Variants in TRPC4AP observed in about 807,000 individuals in gnomAD.
The protein encoded by TRPC4AP is transient receptor potential cation channel subfamily C member 4 associated protein.
TRPC4AP carries 45 observed loss-of-function variants against 99.0 expected under a neutral mutation model. The ratio of observed to expected loss-of-function variants is 0.45; its 90% CI spans 0.36 to 0.58. The LOEUF is 0.58. Among genes scored for constraint, TRPC4AP ranks in the 20% least tolerant of loss-of-function variants. TRPC4AP has a pLI of 0.00. For missense variants in TRPC4AP, 879 were observed against 985.3 expected, an observed-to-expected ratio of 0.89 and a Z score of 1.44; for synonymous variants, 408 against 385.8, an observed-to-expected ratio of 1.06 and a Z score of -0.67.
At chr20:35,021,125 G>A (rs2082877368) in intron 9 of TRPC4AP, 65 bp downstream of exon 9, 7 of 1,558,368 alleles carry the variant, frequency 4.5e-6, no homozygotes, top group South Asian at 3.5e-5. Context: ...TGGAGCACCT[G>A]GCATACCATG....
intron 2 of TRPC4AP, among the ~76,000 whole-genome samples, chr20:35,073,351 G>A (rs1360900782): frequency 6.6e-6 from 1 of 152,098 alleles, no homozygotes; most frequent in Non-Finnish European, 1.5e-5. Context: ...CCCCTGTCTT[G>A]TGCCAGTTTT....
intron 1 of TRPC4AP, 135 bp from the exon 2 acceptor site, chr20:35,078,309 CTCT>C: frequency 1.1e-6 from 1 of 871,434 alleles, no homozygotes; most frequent in Admixed American, 2.9e-5. Context: ...TATAAAAAGC[CTCT>C]TTCTATAAAT....
intron 9 of TRPC4AP, among the ~76,000 whole-genome samples, chr20:35,019,825 A>G (rs2082844807): frequency 1.3e-5 from 2 of 152,144 alleles, no homozygotes; most frequent in Non-Finnish European, 2.9e-5. Flanking sequence ...AAATACAACC[A>G]TATGCTGAGG....
At chr20:35,067,669 T>C (rs1299188371) in intron 3 of TRPC4AP, among the ~76,000 whole-genome samples, 1 of 152,176 alleles carries the variant, frequency 6.6e-6, no homozygotes. Context: ...TGAAACATCA[T>C]TTGACCATAA....
intron 3 of TRPC4AP, 22 bp downstream of exon 3, chr20:35,069,274 G>A: frequency 7.4e-7 from 1 of 1,355,980 alleles, no homozygotes; most frequent in Non-Finnish European, 1.1e-6. Context: ...AACAGCAGTA[G>A]TAATAATAAA....
chr20:35,068,918 A>T lies in TRPC4AP; in HGVS notation c.414+378T>A, dbSNP rs1343490887. ...TATCACTCTATGTGCGGAGAAAATA[A>T]ACTAAGGTGGAGGTGGTGGGGAATA... is the stretch of plus-strand genomic sequence containing the variant. On this transcript the variant is annotated intron_variant, in intron 3 of 18. Transcript: ENST00000252015. 6.6e-5 allele frequency among the ~76,000 whole-genome samples: 10 copies of T among 151,050 alleles called. No homozygotes were observed. In the Admixed American group the frequency reaches 6.7e-4, roughly 10 times the overall value.
In TRPC4AP at chr20:35,005,746, G is replaced by A. The variant is rs760296054; in HGVS notation, c.1885C>T (p.Arg629Cys). The A allele has an allele frequency of 4.3e-6, 7 of 1,614,078 alleles. No homozygotes were observed. Among genetic ancestry groups the A allele is most frequent in the East Asian group, 2.2e-5 (1 of 44,890 alleles). Reference sequence around the variant, plus strand: ...CGGTCCAGGGACAGAGTGACACAGCGCACCAGCATGTTGGAGTCCACCAGG... The same window carrying A: ...CGGTCCAGGGACAGAGTGACACAGCACACCAGCATGTTGGAGTCCACCAGG... Reference protein sequence around the residue: ...SSLVDSNMLVRCVTLSLDRFE... With the variant: ...SSLVDSNMLVCCVTLSLDRFE... Residue 629 changes from arginine to cysteine, a missense_variant, in exon 16 of 19, where the codon CGC (arginine) becomes TGC (cysteine). Physicochemically the swap from Arg to Cys is radical, Grantham distance 180 (BLOSUM62 -3). Coordinates refer to ENST00000252015, the MANE Select transcript of TRPC4AP (RefSeq NM_015638.3).
intron 18 of TRPC4AP, 26 bp downstream of exon 18, chr20:35,003,384 C>T (rs2082438165): frequency 1.3e-6 from 2 of 1,536,674 alleles, no homozygotes; most frequent in Non-Finnish European, 1.7e-6. Flanking sequence ...GCCCACCCAT[C>T]ACCCCCTTGA....
intron 7 of TRPC4AP, among the ~76,000 whole-genome samples, chr20:35,040,109 G>A (rs73905057): frequency 0.036 from 5,468 of 150,024 alleles, 331 homozygotes; most frequent in African/African-American, 0.13. Context: ...AAATTCATAC[G>A]TTGAAGCTCT....
chr20:35,049,988 CCT>C lies in TRPC4AP; in HGVS notation c.533_534del (p.Glu178GlyfsTer11). On this transcript the variant is annotated frameshift_variant, in exon 6 of 19. Transcript: ENST00000252015. LOFTEE classifies it high-confidence loss of function. ...SILYNTCVCT[E>X]GVTKRLAEKN... is the part of the protein sequence containing the mutation. ...TTTTCTGCCAAACGCTTTGTAACTC[CCT>C]CTGTCTGTCACAAGAAGAAAAGGCA... 1 of 1,613,286 alleles carries C rather than the reference CCT, an allele frequency of 6.2e-7. No homozygotes were observed. The highest frequency in any genetic ancestry group is 8.5e-7 in the Non-Finnish European group (1 of 1,179,694).
intron 6 of TRPC4AP, among the ~76,000 whole-genome samples, chr20:35,048,823 AAC>A (rs1427741461): frequency 6.6e-6 from 1 of 152,168 alleles, no homozygotes; most frequent in Admixed American, 6.5e-5. Context: ...CACTGGCTGG[AAC>A]ACACAATTAC....
intron 14 of TRPC4AP, 57 bp from the exon 15 acceptor site, chr20:35,006,632 G>T (rs868595645): frequency 6.3e-7 from 1 of 1,591,566 alleles, no homozygotes. Flanking sequence ...CCAGGGCCTG[G>T]CATGGAGCTC....
chr20:35,070,244 C>T (rs184168481), intron 2 of TRPC4AP, among the ~76,000 whole-genome samples: 58 of 152,184 alleles, frequency 3.8e-4, no homozygotes, highest in Admixed American at 1.4e-3. Flanking sequence ...TGCTAGGTTT[C>T]GGGGTGACTA....
chr20:35,052,626 G>A (rs2083732195), intron 5 of TRPC4AP, among the ~76,000 whole-genome samples: 1 of 151,928 alleles, frequency 6.6e-6, no homozygotes, highest in East Asian at 1.9e-4. Flanking sequence ...TGAGTAGCTG[G>A]GACTATAGGC....
intron 6 of TRPC4AP, among the ~76,000 whole-genome samples, chr20:35,049,355 C>T (rs1233559403): frequency 1.3e-5 from 2 of 151,506 alleles, no homozygotes; most frequent in Non-Finnish European, 2.9e-5. Context: ...TGCGCTGGTG[C>T]CAATTAACCA....
intron 7 of TRPC4AP, among the ~76,000 whole-genome samples, chr20:35,040,621 T>C (rs2083426580): frequency 6.6e-6 from 1 of 152,202 alleles, no homozygotes; most frequent in African/African-American, 2.4e-5. Flanking sequence ...TATTTATTTT[T>C]GGAGACGGAG....
At chr20:35,032,625 A>C (rs2083228039) in intron 8 of TRPC4AP, among the ~76,000 whole-genome samples, 1 of 151,592 alleles carries the variant, frequency 6.6e-6, no homozygotes, top group South Asian at 2.1e-4. Context: ...GGCGCCTGCC[A>C]CCACGCCCAG....
intron 7 of TRPC4AP, 114 bp from the exon 8 acceptor site, chr20:35,035,422 T>C: frequency 1.8e-6 from 2 of 1,106,498 alleles, no homozygotes; most frequent in Non-Finnish European, 2.5e-6. Context: ...TGATAGTAGC[T>C]AAAGCTACTC....
chr20:35,002,581 A>C lies in TRPC4AP; in HGVS notation c.*565T>G. 5.2e-6 allele frequency: 1 copy of C among 191,394 alleles called. No homozygotes were observed. Among genetic ancestry groups the C allele is most frequent in the Non-Finnish European group, 1.1e-5 (1 of 94,280 alleles). The allele number at this position is 191,394 out of a possible 1,614,324, so 11.9% of individuals were successfully genotyped here. ...CAAGGGATGGAGGGAAAGGCCCCTC[A>C]CTTCTGGGAGAACCCCCTTGGATGA... On this transcript the variant is annotated 3_prime_UTR_variant, in exon 19 of 19. Coordinates refer to ENST00000252015, the MANE Select transcript of TRPC4AP (RefSeq NM_015638.3).
Sources: gnomAD v4.1 joint callset for allele counts (sites outside exome capture counted in the v4.1 genomes callset) on GRCh38, gnomAD v4.1.1 for gene constraint, MANE v1.5 for transcripts, NCBI Gene and HGNC (gene_info 2026-07-23, HGNC 2026-07-21) for gene names.